Variants in DCT observed in about 807,000 individuals in gnomAD.
DCT encodes dopachrome tautomerase.
DCT carries 47 observed loss-of-function variants against 53.0 expected under a neutral mutation model. That is an observed-to-expected ratio of 0.89 (90% CI 0.70 to 1.13). The LOEUF is 1.13. Ranked by LOEUF, DCT falls within the 50% of genes most tolerant of loss-of-function variation. The pLI is 0.00. For missense variants in DCT, 669 were observed against 637.4 expected, an observed-to-expected ratio of 1.05 and a Z score of -0.53; for synonymous variants, 244 against 237.0, an observed-to-expected ratio of 1.03 and a Z score of -0.27.
chr13:94,547,977 AAAAAAAAAT>A, the DCT span, among the ~76,000 whole-genome samples: 3 of 115,262 alleles, frequency 2.6e-5, no homozygotes, highest in African/African-American at 8.5e-5. Context: ...AAAAAAAAAA[AAAAAAAAAT>A]ATATATATAT....
chr13:94,453,807 C>T (rs1883247335), intron 6 of DCT, among the ~76,000 whole-genome samples: 1 of 152,200 alleles, frequency 6.6e-6, no homozygotes, highest in African/African-American at 2.4e-5. Context: ...CCACCATGAT[C>T]GTGAGGTCTC....
chr13:94,547,378 A>T, the DCT span, among the ~76,000 whole-genome samples: 1 of 151,988 alleles, frequency 6.6e-6, no homozygotes, highest in African/African-American at 2.4e-5. Flanking sequence ...CGGCCTGCCA[A>T]AGTGCTGGGA....
At chr13:94,476,339 C>G (rs1488580032) in intron 1 of DCT, among the ~76,000 whole-genome samples, 1 of 151,748 alleles carries the variant, frequency 6.6e-6, no homozygotes, top group Non-Finnish European at 1.5e-5. Context: ...ACAAAACTTG[C>G]TAGCCATGGC....
chr13:94,513,550 C>T, the DCT span, among the ~76,000 whole-genome samples: 1 of 152,056 alleles, frequency 6.6e-6, no homozygotes, highest in East Asian at 1.9e-4. Context: ...ACTTACTATG[C>T]CTCTGAGATT....
At chr13:94,520,489 G>T in the DCT span, among the ~76,000 whole-genome samples, 1 of 152,214 alleles carries the variant, frequency 6.6e-6, no homozygotes, top group Non-Finnish European at 1.5e-5. Flanking sequence ...CGTCGAAGGG[G>T]AAAGCAATCT....
the DCT span, among the ~76,000 whole-genome samples, chr13:94,530,228 A>G: frequency 6.6e-5 from 10 of 152,232 alleles, no homozygotes; most frequent in African/African-American, 2.2e-4. Flanking sequence ...AGCTGGGACC[A>G]TTCCTTCTGA....
chr13:94,486,915 C>T, the DCT span, among the ~76,000 whole-genome samples: 2 of 152,304 alleles, frequency 1.3e-5, no homozygotes, highest in Admixed American at 6.5e-5. Context: ...AACACACACA[C>T]ACACATTTCT....
the DCT span, among the ~76,000 whole-genome samples, chr13:94,539,285 A>G: frequency 1.3e-5 from 2 of 152,210 alleles, no homozygotes; most frequent in Non-Finnish European, 2.9e-5. Flanking sequence ...AGAGCTGGAT[A>G]TTAGCTTAAA....
chr13:94,535,874 A>G, the DCT span, among the ~76,000 whole-genome samples: 1 of 152,192 alleles, frequency 6.6e-6, no homozygotes, highest in East Asian at 1.9e-4. Context: ...TGGTGCTTGT[A>G]AATGGCGTAG....
chr13:94,511,160 C>A, the DCT span, among the ~76,000 whole-genome samples: 1 of 152,100 alleles, frequency 6.6e-6, no homozygotes, highest in African/African-American at 2.4e-5. Context: ...GTCTATCAGG[C>A]CTTTCTTGAT....
intron 1 of DCT, among the ~76,000 whole-genome samples, chr13:94,472,552 ATATATATATATATATATTTTTTTTTTT>A (rs1884775179): frequency 4.0e-5 from 1 of 25,006 alleles, no homozygotes; most frequent in African/African-American, 2.0e-4. Context: ...ATATATATAT[ATATATATATATATATATTTTTTTTTTT>A]TTTTTTTTTT....
At position 94,466,636 on chromosome 13, in the gene DCT, G is replaced by A. The variant is rs1884242106; in HGVS notation, c.618C>T (p.Ala206=). ...CAGGTCCTTGATGTGAGAAATCTAT[G>A]GCCCTGTAGGGGCGTCCTGGTCCTG... ...TLLGPGRPYR[A]IDFSHQGPAF... Residue 206 remains alanine, a synonymous_variant, in exon 3 of 8, where the codon GCC becomes GCT. Transcript: ENST00000377028. The A allele has an allele frequency of 6.2e-7, 1 of 1,609,322 alleles. No homozygotes were observed. Among genetic ancestry groups the A allele is most frequent in the South Asian group, 1.1e-5 (1 of 90,000 alleles).
chr13:94,489,177 T>C, the DCT span, among the ~76,000 whole-genome samples: 1 of 152,206 alleles, frequency 6.6e-6, no homozygotes, highest in Non-Finnish European at 1.5e-5. Flanking sequence ...GCATGTATAG[T>C]ACTTAGTTTA....
At chr13:94,514,826 C>T in the DCT span, among the ~76,000 whole-genome samples, 1 of 152,144 alleles carries the variant, frequency 6.6e-6, no homozygotes. Context: ...AGCATAATTA[C>T]AGCTGTATTT....
chr13:94,459,967 T>TA, intron 6 of DCT, 124 bp downstream of exon 6: 1 of 1,073,878 alleles, frequency 9.3e-7, no homozygotes, highest in Non-Finnish European at 1.4e-6. Context: ...GAAATTAATT[T>TA]ACATTTGCAC....
chr13:94,518,112 AGG>A, the DCT span, among the ~76,000 whole-genome samples: 5 of 62,334 alleles, frequency 8.0e-5, no homozygotes, highest in African/African-American at 5.0e-4. Context: ...AACGAAGGGA[AGG>A]AAGGAAGGAA....
chr13:94,510,897 A>G, the DCT span, among the ~76,000 whole-genome samples: 1 of 152,070 alleles, frequency 6.6e-6, no homozygotes, highest in East Asian at 1.9e-4. Flanking sequence ...AATTCCTTCC[A>G]CTTCTCCACA....
chr13:94,462,264 T>C (rs1883863052), intron 4 of DCT, 75 bp from the exon 5 acceptor site: 5 of 1,191,536 alleles, frequency 4.2e-6, no homozygotes, highest in Middle Eastern at 1.9e-4. Context: ...TCCCAGCACT[T>C]TGGGAGGTTG....
intron 4 of DCT, among the ~76,000 whole-genome samples, chr13:94,464,332 T>C (rs989439569): frequency 6.6e-6 from 1 of 152,080 alleles, no homozygotes; most frequent in African/African-American, 2.4e-5. Context: ...GACAGAGCAG[T>C]GGGGTTAAAA....
Sources: allele counts gnomAD v4.1 joint callset (sites outside exome capture counted in the v4.1 genomes callset), GRCh38; gene constraint gnomAD v4.1.1; transcripts MANE v1.5; gene names NCBI Gene and HGNC (gene_info 2026-07-23, HGNC 2026-07-21).